PLCE1: variants seen among roughly 807,000 people sequenced by gnomAD.
The protein encoded by PLCE1 is phospholipase C epsilon 1.
In PLCE1, 119 loss-of-function variants were observed where a neutral mutation model predicts 242.8. That is an observed-to-expected ratio of 0.49 (90% CI 0.42 to 0.57). The LOEUF (loss-of-function observed/expected upper bound fraction) is 0.57. Among genes scored for constraint, PLCE1 ranks in the 20% least tolerant of loss-of-function variants. PLCE1 has a pLI of 0.00. For synonymous variants in PLCE1, 945 were observed against 1,017.4 expected (o/e 0.93, Z 1.35); for missense variants, 2,441 against 2,788.8 (o/e 0.88, Z 2.81).
chr10:94,268,841 C>A, intron 16 of PLCE1, 88 bp from the exon 17 acceptor site: 2 of 774,820 alleles, frequency 2.6e-6, no homozygotes, highest in Non-Finnish European at 4.7e-6. Flanking sequence ...GTAAACACTG[C>A]CTGATATGTA....
At chr10:94,192,587 G>A (rs1301802447) in intron 4 of PLCE1, among the ~76,000 whole-genome samples, 1 of 152,110 alleles carries the variant, frequency 6.6e-6, no homozygotes, top group African/African-American at 2.4e-5. Flanking sequence ...ACCATTGATG[G>A]GCACCTAGCT....
At chr10:94,095,383 A>ATC (rs920035656) in intron 2 of PLCE1, among the ~76,000 whole-genome samples, 1 of 151,436 alleles carries the variant, frequency 6.6e-6, no homozygotes, top group Non-Finnish European at 1.5e-5. Context: ...TTGAGACAGG[A>ATC]TCTCTCTCTG....
intron 4 of PLCE1, among the ~76,000 whole-genome samples, chr10:94,184,778 A>T (rs2048418821): frequency 6.6e-6 from 1 of 151,830 alleles, no homozygotes; most frequent in African/African-American, 2.4e-5. Context: ...TCTTTCTCAG[A>T]CCATATCACA....
chr10:94,133,726 A>G (rs2046679646), intron 3 of PLCE1, among the ~76,000 whole-genome samples: 1 of 152,226 alleles, frequency 6.6e-6, no homozygotes, highest in Non-Finnish European at 1.5e-5. Context: ...TTATAAATGA[A>G]TGAAGAATAA....
chr10:94,187,387 A>G (rs2048515778), intron 4 of PLCE1, among the ~76,000 whole-genome samples: 1 of 152,098 alleles, frequency 6.6e-6, no homozygotes, highest in African/African-American at 2.4e-5. Flanking sequence ...TCTAACACAT[A>G]AGCCACATGC....
chr10:94,122,751 C>G (rs1420579909), intron 2 of PLCE1, among the ~76,000 whole-genome samples: 1 of 152,162 alleles, frequency 6.6e-6, no homozygotes, highest in Non-Finnish European at 1.5e-5. Flanking sequence ...TCCTTAAAGT[C>G]TAGGATACAG....
At chr10:94,115,143 A>G (rs1286459535) in intron 2 of PLCE1, among the ~76,000 whole-genome samples, 2 of 150,806 alleles carry the variant, frequency 1.3e-5, no homozygotes, top group Non-Finnish European at 3.0e-5. Context: ...TATATATGCC[A>G]CATTTTCTTA....
intron 3 of PLCE1, among the ~76,000 whole-genome samples, chr10:94,157,359 G>A (rs1479458811): frequency 6.6e-6 from 1 of 152,106 alleles, no homozygotes; most frequent in African/African-American, 2.4e-5. Flanking sequence ...GCTTTTTCTT[G>A]TTTTAATTTC....
intron 2 of PLCE1, among the ~76,000 whole-genome samples, chr10:94,061,929 G>A (rs1041605275): frequency 6.6e-6 from 1 of 152,258 alleles, no homozygotes; most frequent in African/African-American, 2.4e-5. Flanking sequence ...AACTGCCTGA[G>A]ATTGAATCCA....
intron 4 of PLCE1, among the ~76,000 whole-genome samples, chr10:94,180,234 A>T (rs956082684): frequency 2.0e-5 from 3 of 152,150 alleles, no homozygotes; most frequent in Admixed American, 6.5e-5. Context: ...TAGGATTCAG[A>T]ATTTTTTTAT....
intron 2 of PLCE1, among the ~76,000 whole-genome samples, chr10:94,050,455 T>C (rs751937763): frequency 6.6e-6 from 1 of 152,012 alleles, no homozygotes; most frequent in East Asian, 1.9e-4. Flanking sequence ...CCTCAACACG[T>C]GGGGTCTATG....
At position 94,157,336 on chromosome 10, in the gene PLCE1, G is replaced by A. The variant is rs116573443; in HGVS notation, c.1493-13844G>A. On this transcript the variant is annotated intron_variant, in intron 3 of 32. Transcript: ENST00000371380. Reference sequence around the variant, plus strand: ...CTGACTATTGAGGGCTGAATGTGTAGTAAACATTACATGCTTTTTCTTGTT... The same window carrying A: ...CTGACTATTGAGGGCTGAATGTGTAATAAACATTACATGCTTTTTCTTGTT... Among the ~76,000 whole-genome samples the A allele has an allele frequency of 7.6e-3, 1,150 of 152,268 alleles. 16 individuals are homozygous for A. Among genetic ancestry groups the A allele is most frequent in the African/African-American group, 0.027 (1,104 of 41,536 alleles).
intron 3 of PLCE1, among the ~76,000 whole-genome samples, chr10:94,146,184 A>G (rs2047105761): frequency 1.3e-5 from 2 of 152,144 alleles, no homozygotes; most frequent in Non-Finnish European, 2.9e-5. Context: ...TGGCACTTAC[A>G]AACCTGAATG....
intron 2 of PLCE1, among the ~76,000 whole-genome samples, chr10:94,112,397 A>C (rs972876146): frequency 1.6e-4 from 25 of 152,338 alleles, no homozygotes; most frequent in African/African-American, 6.0e-4. Context: ...GTTGGCTATA[A>C]AGAAAATTTT....
At chr10:94,018,697 A>G (rs1292820751) in intron 1 of PLCE1, among the ~76,000 whole-genome samples, 1 of 152,158 alleles carries the variant, frequency 6.6e-6, no homozygotes, top group Non-Finnish European at 1.5e-5. Flanking sequence ...ATTAGTTCAT[A>G]TCCTAATTTT....
chr10:94,328,127 AC>A lies in PLCE1; in HGVS notation c.*186del, dbSNP rs1441728722. The A allele has an allele frequency of 2.9e-6, 1 of 349,812 alleles. No homozygotes were observed. Among genetic ancestry groups the A allele is most frequent in the African/African-American group, 2.1e-5 (1 of 46,832 alleles). 21.7% of individuals were successfully genotyped at this position (349,812 alleles called of 1,614,324 possible). ...GCAAAATGGCACAGGGCTAGTTGCC[AC>A]CAACCAATTTACTGATGAATGAAGC... On this transcript the variant is annotated 3_prime_UTR_variant, in exon 33 of 33. Coordinates refer to ENST00000371380, the MANE Select transcript of PLCE1 (RefSeq NM_016341.4).
At chr10:94,304,407 C>A in intron 24 of PLCE1, 75 bp from the exon 25 acceptor site, 1 of 1,356,820 alleles carries the variant, frequency 7.4e-7, no homozygotes, top group Non-Finnish European at 1.1e-6. Context: ...TTCTTTTGAA[C>A]TTTCAATTTA....
Position 94,324,975 on chromosome 10 carries a change from A to C in PLCE1, c.6804A>C (p.Gly2268=), listed in dbSNP as rs371205493. The change falls in exon 32 of 33, where the codon GGA becomes GGC. Residue 2268 remains glycine (G), a synonymous_variant. Transcript: ENST00000371380. ...CCAAGTCAACTAAACAGCCCCGAGG[A>C]CTTACATCACCTTCTCAGCTCTTGA... ...KLTKSTKQPR[G]LTSPSQLLTS... The C allele has an allele frequency of 2.0e-5, 33 of 1,614,016 alleles. No individual in the cohort carries two copies. The highest frequency in any genetic ancestry group is 2.7e-5 in the Non-Finnish European group (32 of 1,179,996).
At chr10:94,156,684 C>T (rs1014098657) in intron 3 of PLCE1, among the ~76,000 whole-genome samples, 3 of 152,120 alleles carry the variant, frequency 2.0e-5, no homozygotes, top group Non-Finnish European at 2.9e-5. Flanking sequence ...CAGTTCCTTT[C>T]CCCTCCCTAG....
Sources: gnomAD v4.1 joint callset for allele counts (sites outside exome capture counted in the v4.1 genomes callset) on GRCh38, gnomAD v4.1.1 for gene constraint, MANE v1.5 for transcripts, NCBI Gene and HGNC (gene_info 2026-07-23, HGNC 2026-07-21) for gene names.